The following LRFN5 variants were observed in gnomAD, a reference collection of about 807,000 sequenced individuals.
LRFN5 encodes the protein leucine rich repeat and fibronectin type III domain containing 5, also known as leucine-rich repeat and fibronectin type-III domain-containing protein 5.
Under a neutral mutation model 45.6 loss-of-function variants are expected in LRFN5, and 24 were observed. That is an observed-to-expected ratio of 0.53 (90% CI 0.38 to 0.74). LRFN5 has a LOEUF of 0.74. LRFN5 is among the 30% of genes least tolerant of loss of function. The probability of loss-of-function intolerance (pLI) is 0.00; values close to 1 mark genes in which losing one functional copy is unlikely to be tolerated. For synonymous variants in LRFN5, 340 were observed against 313.8 expected (o/e 1.08, Z -0.88); for missense variants, 776 against 861.5 (o/e 0.90, Z 1.24).
intron 2 of LRFN5, among the ~76,000 whole-genome samples, chr14:41,810,486 T>A (rs961122717): frequency 2.7e-4 from 41 of 152,168 alleles, no homozygotes; most frequent in African/African-American, 9.6e-4. Flanking sequence ...ACCCTCAATA[T>A]GACAGCCAAG....
chr14:41,781,490 AGAAG>A (rs1285359382), intron 2 of LRFN5, among the ~76,000 whole-genome samples: 1 of 140,490 alleles, frequency 7.1e-6, no homozygotes, highest in South Asian at 2.7e-4. Context: ...AATAAAATTA[AGAAG>A]GAAGGAAGGG....
chr14:41,645,977 A>T lies in LRFN5; in HGVS notation c.-197+37415A>T, dbSNP rs1283274017. Among the ~76,000 whole-genome samples the T allele has an allele frequency of 2.0e-5, 3 of 152,094 alleles. No homozygotes were observed. In the East Asian group the frequency reaches 5.8e-4, roughly 29 times the overall value. On this transcript the variant is annotated intron_variant, in intron 1 of 5. Transcript: ENST00000298119. ...AGTGATTTTAAAATTGTTTTATTTT[A>T]TTTTATTTCATGTTTTAGTTGACAC...
At chr14:41,723,956 C>A (rs571691622) in intron 1 of LRFN5, among the ~76,000 whole-genome samples, 1 of 152,292 alleles carries the variant, frequency 6.6e-6, no homozygotes, top group South Asian at 2.1e-4. Flanking sequence ...TTCATGGTAT[C>A]TTTCCCTCTC....
chr14:41,876,153 C>A (rs1890176906), intron 2 of LRFN5, among the ~76,000 whole-genome samples: 1 of 152,124 alleles, frequency 6.6e-6, no homozygotes. Context: ...AATCATTTCT[C>A]CACCTACCCA....
intron 1 of LRFN5, among the ~76,000 whole-genome samples, chr14:41,667,615 C>T (rs1422058155): frequency 6.6e-6 from 1 of 152,144 alleles, no homozygotes. Flanking sequence ...TCATCAATCC[C>T]TGCCTCATTG....
At chr14:41,672,160 A>G (rs949078089) in intron 1 of LRFN5, among the ~76,000 whole-genome samples, 16 of 152,248 alleles carry the variant, frequency 1.1e-4, no homozygotes, top group African/African-American at 3.1e-4. Context: ...TTCTTACCTC[A>G]CTAGACGTTA....
chr14:41,831,437 C>T (rs1888477299), intron 2 of LRFN5, among the ~76,000 whole-genome samples: 1 of 152,002 alleles, frequency 6.6e-6, no homozygotes, highest in African/African-American at 2.4e-5. Context: ...ATATACATGC[C>T]ACAGATATAT....
chr14:41,674,402 A>T (rs1426243484), intron 1 of LRFN5, among the ~76,000 whole-genome samples: 1 of 126,390 alleles, frequency 7.9e-6, no homozygotes, highest in Non-Finnish European at 1.7e-5. Flanking sequence ...TCCCTCCCGG[A>T]CGGGGCGGCT....
chr14:41,642,505 A>ATAGGTCAACTTTCC (rs1879626211), intron 1 of LRFN5, among the ~76,000 whole-genome samples: 2 of 152,290 alleles, frequency 1.3e-5, no homozygotes, highest in African/African-American at 4.8e-5. Flanking sequence ...GAGGTAATGC[A>ATAGGTCAACTTTCC]TAGGTCAACT....
At chr14:41,620,652 G>C (rs1160833515) in intron 1 of LRFN5, among the ~76,000 whole-genome samples, 1 of 149,164 alleles carries the variant, frequency 6.7e-6, no homozygotes, top group East Asian at 2.0e-4. Flanking sequence ...TGTTTAAATA[G>C]CTATGTGAGT....
intron 1 of LRFN5, among the ~76,000 whole-genome samples, chr14:41,670,416 T>C (rs1881149138): frequency 2.0e-5 from 3 of 150,108 alleles, no homozygotes; most frequent in Admixed American, 2.0e-4. Flanking sequence ...ACTACGTAAT[T>C]TGTATATGTT....
chr14:41,849,944 T>C (rs933292880), intron 2 of LRFN5, among the ~76,000 whole-genome samples: 2 of 151,928 alleles, frequency 1.3e-5, no homozygotes, highest in Non-Finnish European at 2.9e-5. Flanking sequence ...ATACTAAATT[T>C]GCAGTTATTT....
intron 2 of LRFN5, among the ~76,000 whole-genome samples, chr14:41,829,522 A>G (rs1232671582): frequency 2.0e-5 from 3 of 151,934 alleles, no homozygotes; most frequent in Non-Finnish European, 4.4e-5. Flanking sequence ...GAATGAGGTA[A>G]ATTATAAACC....
intron 1 of LRFN5, among the ~76,000 whole-genome samples, chr14:41,728,032 C>G (rs1884009164): frequency 1.3e-5 from 2 of 152,028 alleles, no homozygotes; most frequent in Non-Finnish European, 2.9e-5. Flanking sequence ...TAACATACAC[C>G]CATGCTTATT....
At chr14:41,741,734 C>A (rs1594665177) in intron 1 of LRFN5, among the ~76,000 whole-genome samples, 1 of 149,470 alleles carries the variant, frequency 6.7e-6, no homozygotes, top group Non-Finnish European at 1.5e-5. Flanking sequence ...GCAGCAAAGA[C>A]AACAATTTAC....
chr14:41,825,274 C>A (rs1029578978), intron 2 of LRFN5, among the ~76,000 whole-genome samples: 1 of 152,136 alleles, frequency 6.6e-6, no homozygotes, highest in African/African-American at 2.4e-5. Flanking sequence ...GGAGAGGAAC[C>A]CTAGAGGGTT....
At chr14:41,842,593 C>T (rs1482557188) in intron 2 of LRFN5, among the ~76,000 whole-genome samples, 1 of 152,058 alleles carries the variant, frequency 6.6e-6, no homozygotes, top group Non-Finnish European at 1.5e-5. Flanking sequence ...GCATTAAATA[C>T]ACTGATACAT....
chr14:41,851,645 TTA>T (rs1421702383), intron 2 of LRFN5, among the ~76,000 whole-genome samples: 2 of 151,820 alleles, frequency 1.3e-5, no homozygotes, highest in Non-Finnish European at 3.0e-5. Flanking sequence ...CAAAACAAGG[TTA>T]TTTAATATAA....
At chr14:41,705,264 C>A (rs1334680639) in intron 1 of LRFN5, among the ~76,000 whole-genome samples, 1 of 152,074 alleles carries the variant, frequency 6.6e-6, no homozygotes, top group African/African-American at 2.4e-5. Flanking sequence ...TTCTTAGAGA[C>A]AACAAAGATA....
Sources: gnomAD v4.1 joint callset for allele counts (sites outside exome capture counted in the v4.1 genomes callset) on GRCh38, gnomAD v4.1.1 for gene constraint, MANE v1.5 for transcripts, NCBI Gene and HGNC (gene_info 2026-07-23, HGNC 2026-07-21) for gene names.